SCP2: variants seen among roughly 807,000 people sequenced by gnomAD.
SCP2 encodes the protein SCP-2/3-oxoacyl-CoA thiolase.
SCP2 carries 48 observed loss-of-function variants against 71.4 expected under a neutral mutation model. That is an observed-to-expected ratio of 0.67 (90% confidence interval 0.53 to 0.86). SCP2 has a LOEUF of 0.86. Ranked by LOEUF, SCP2 falls within the 40% of genes least tolerant of loss-of-function variation. The pLI is 0.00. For missense variants in SCP2, 560 were observed against 655.6 expected (o/e 0.85, Z 1.59); for synonymous variants, 220 against 218.1 (o/e 1.01, Z -0.08).
chr1:52,929,527 C>T (rs1401283327), intron 1 of SCP2, among the ~76,000 whole-genome samples: 1 of 152,112 alleles, frequency 6.6e-6, no homozygotes, highest in African/African-American at 2.4e-5. Context: ...CTCACTGCAA[C>T]CTCTGCCTCC....
intron 14 of SCP2, among the ~76,000 whole-genome samples, chr1:53,043,597 A>G (rs999849785): frequency 6.6e-6 from 1 of 152,264 alleles, no homozygotes; most frequent in African/African-American, 2.4e-5. Flanking sequence ...TGGGCAAGTT[A>G]TTTGGTCCCT....
At chr1:52,978,589 G>T (rs1012694552) in intron 9 of SCP2, among the ~76,000 whole-genome samples, 1 of 152,036 alleles carries the variant, frequency 6.6e-6, no homozygotes, top group Non-Finnish European at 1.5e-5. Context: ...TTTCAACAGG[G>T]TCTTACTCTG....
intron 11 of SCP2, chr1:52,995,876 C>T (rs1659899771): frequency 7.0e-7 from 1 of 1,426,050 alleles, no homozygotes; most frequent in Non-Finnish European, 9.6e-7. Context: ...GGCCTTCCTC[C>T]ACTGGTACAC....
At chr1:53,028,563 T>TA (rs1009850709) in intron 13 of SCP2, among the ~76,000 whole-genome samples, 42 of 146,212 alleles carry the variant, frequency 2.9e-4, no homozygotes, top group Admixed American at 4.3e-4. Flanking sequence ...GATGTTAATT[T>TA]AAAAAATACT....
At chr1:53,021,960 T>A (rs1239588112) in intron 12 of SCP2, among the ~76,000 whole-genome samples, 2 of 152,226 alleles carry the variant, frequency 1.3e-5, no homozygotes, top group East Asian at 1.9e-4. Flanking sequence ...AACCATTTTT[T>A]AAAAATTATT....
At chr1:53,048,515 G>A (rs1415226301) in intron 15 of SCP2, 2 of 174,584 alleles carry the variant, frequency 1.1e-5, no homozygotes, top group African/African-American at 4.7e-5. Flanking sequence ...CCTCTCCTGA[G>A]CCACGTACTG....
At chr1:52,955,415 A>G (rs1655706520) in intron 5 of SCP2, among the ~76,000 whole-genome samples, 1 of 152,220 alleles carries the variant, frequency 6.6e-6, no homozygotes, top group Non-Finnish European at 1.5e-5. Context: ...TTAAATTGAT[A>G]CTACGTAAGG....
chr1:53,033,855 A>T (rs892332596), intron 13 of SCP2, among the ~76,000 whole-genome samples: 1 of 152,200 alleles, frequency 6.6e-6, no homozygotes, highest in Non-Finnish European at 1.5e-5. Context: ...ACTTGTACAC[A>T]AATGTCTATA....
chr1:52,937,855 A>G (rs764356526), intron 1 of SCP2, among the ~76,000 whole-genome samples: 19 of 152,254 alleles, frequency 1.2e-4, no homozygotes, highest in Admixed American at 4.6e-4. Flanking sequence ...TGGCTGCTCC[A>G]TAGACACAGC....
At chr1:52,993,584 C>G (rs569783467) in intron 11 of SCP2, 696 of 1,610,268 alleles carry the variant, frequency 4.3e-4, no homozygotes, top group Admixed American at 8.4e-4. Flanking sequence ...TCTCATGGCT[C>G]CAAGCTCTTC....
chr1:53,049,420 C>G (rs936147273), intron 15 of SCP2: 1 of 152,138 alleles, frequency 6.6e-6, no homozygotes, highest in Non-Finnish European at 1.5e-5. Flanking sequence ...GACTGGAAAT[C>G]GTTAAATGCA....
At chr1:52,938,672 A>C (rs1653951557) in intron 1 of SCP2, among the ~76,000 whole-genome samples, 1 of 152,220 alleles carries the variant, frequency 6.6e-6, no homozygotes, top group African/African-American at 2.4e-5. Flanking sequence ...AGCAAAATTG[A>C]GTACAAGGTA....
intron 4 of SCP2, among the ~76,000 whole-genome samples, chr1:52,951,432 G>C (rs1234123303): frequency 1.4e-3 from 207 of 151,022 alleles, no homozygotes; most frequent in Middle Eastern, 3.4e-3. Context: ...TAGAACCTGT[G>C]TTTATACAAA....
chr1:53,003,172 A>T (rs1327554323), intron 11 of SCP2, among the ~76,000 whole-genome samples: 2 of 152,184 alleles, frequency 1.3e-5, no homozygotes, highest in African/African-American at 4.8e-5. Context: ...ACCTGTTGCT[A>T]GCTAGAGATA....
At chr1:53,040,314 G>C (rs1172847173) in intron 14 of SCP2, among the ~76,000 whole-genome samples, 1 of 152,182 alleles carries the variant, frequency 6.6e-6, no homozygotes, top group Non-Finnish European at 1.5e-5. Context: ...GTCTTACTAT[G>C]TATGTCCTTG....
At chr1:52,973,265 A>G (rs1043137048) in intron 6 of SCP2, among the ~76,000 whole-genome samples, 1 of 152,216 alleles carries the variant, frequency 6.6e-6, no homozygotes, top group Non-Finnish European at 1.5e-5. Flanking sequence ...GTGCAATAGT[A>G]AAGGCTCCAA....
chr1:52,932,501 G>A (rs888532416), intron 1 of SCP2, among the ~76,000 whole-genome samples: 3 of 152,106 alleles, frequency 2.0e-5, no homozygotes, highest in East Asian at 1.9e-4. Flanking sequence ...AAATGGCGGC[G>A]TAAACCAAGG....
intron 12 of SCP2, among the ~76,000 whole-genome samples, chr1:53,027,034 G>A (rs1456198055): frequency 1.3e-5 from 2 of 151,068 alleles, no homozygotes. Flanking sequence ...TATCTCCCAG[G>A]CTCAGGTGAT....
At chr1:53,038,881 G>A in intron 13 of SCP2, 36 bp from the exon 14 acceptor site, 2 of 1,612,626 alleles carry the variant, frequency 1.2e-6, no homozygotes, top group Non-Finnish European at 1.7e-6. Flanking sequence ...CAGAGAAATG[G>A]ACTTAATGTA....
Sources: allele counts gnomAD v4.1 joint callset (sites outside exome capture counted in the v4.1 genomes callset), GRCh38; gene constraint gnomAD v4.1.1; transcripts MANE v1.5; gene names NCBI Gene and HGNC (gene_info 2026-07-23, HGNC 2026-07-21).